The following SHANK1 variants were observed in gnomAD, a reference collection of about 807,000 sequenced individuals.
SHANK1 encodes the protein SH3 and multiple ankyrin repeat domains 1.
In SHANK1, 35 loss-of-function variants were observed where a neutral mutation model predicts 165.6. The observed-to-expected ratio is 0.21, with a 90% CI of 0.16 to 0.28. The LOEUF (loss-of-function observed/expected upper bound fraction) is 0.28, where lower values mean the gene tolerates loss of function less well. SHANK1 is among the 10% of genes least tolerant of loss of function. The probability of loss-of-function intolerance (pLI) is 1.00; values close to 1 mark genes in which losing one functional copy is unlikely to be tolerated. For synonymous variants in SHANK1, 1,428 were observed against 1,384.8 expected (o/e 1.03, Z -0.69); for missense variants, 2,681 against 3,036.4 (o/e 0.88, Z 2.75).
At position 50,668,354 on chromosome 19, in the gene SHANK1, C is replaced by T; in HGVS notation, c.3606G>A (p.Pro1202=). ...GGGACGGGGGCACGGGTGACATGGC[C>T]GGGGCGGGGCTGGGCGAGGAGCCGC... ...GGGGSSPSPA[P]AMSPVPPSPS... is the part of the protein sequence containing the mutation. Residue 1202 remains proline, a synonymous_variant, in exon 23 of 24, where the codon CCG becomes CCA. Coordinates refer to ENST00000293441, the MANE Select transcript of SHANK1 (RefSeq NM_016148.5). 8.1e-7 allele frequency: 1 copy of T among 1,238,044 alleles called. No homozygotes were observed. The highest frequency in any genetic ancestry group is 1.0e-6 in the Non-Finnish European group (1 of 988,030). 76.7% of individuals were successfully genotyped at this position (1,238,044 alleles called of 1,614,324 possible).
chr19:50,716,411 C>T lies in SHANK1; in HGVS notation c.323G>A (p.Ser108Asn), dbSNP rs779119326. Residue 108 changes from serine (S) to asparagine (N), a missense_variant, in exon 3 of 24, where the codon AGC becomes AAC. By Grantham distance (46) the Ser-to-Asn change is conservative (BLOSUM62 1). Around this residue, in one of 10 missense-constraint regions of SHANK1, gnomAD observed 189 missense variants for 440.9 expected, o/e 0.43. Coordinates refer to ENST00000293441, the MANE Select transcript of SHANK1 (RefSeq NM_016148.5). The surrounding 1 kb of genome is among the most constrained non-coding windows in gnomAD (Gnocchi z 8.4). ...TAKQQVLCAL[S>N]ESLQDVLNYG... ...GTTGAGCACATCCTGCAGGCTCTCGCTCAGGGCACAGAGCACCTGCTGCTT... is the reference window on the plus strand; with the variant it reads ...GTTGAGCACATCCTGCAGGCTCTCGTTCAGGGCACAGAGCACCTGCTGCTT... 1 of 1,614,202 alleles carries T rather than the reference C, an allele frequency of 6.2e-7. No individual in the cohort carries two copies. Among genetic ancestry groups the T allele is most frequent in the Non-Finnish European group, 8.5e-7 (1 of 1,180,028 alleles).
At chr19:50,682,539 A>G (rs183823757) in intron 21 of SHANK1, among the ~76,000 whole-genome samples, 2 of 152,274 alleles carry the variant, frequency 1.3e-5, no homozygotes, top group East Asian at 3.9e-4. Flanking sequence ...AAGTTAGAGG[A>G]AGTCAGGATT....
At chr19:50,687,397 AGTC>A (rs2123131560) in intron 19 of SHANK1, among the ~76,000 whole-genome samples, 182 bp downstream of exon 19, 1 of 152,180 alleles carries the variant, frequency 6.6e-6, no homozygotes, top group South Asian at 2.1e-4. Flanking sequence ...CACAGAGGAA[AGTC>A]GTCTCTCAGA....
In SHANK1 at chr19:50,707,248, G is replaced by C. The variant is rs116827662; in HGVS notation, c.1078-2734C>G. Among the ~76,000 whole-genome samples, 544 of 152,220 alleles carry C rather than the reference G, an allele frequency of 3.6e-3. 6 individuals carry two copies. The highest frequency in any genetic ancestry group is 0.011 in the African/African-American group (460 of 41,526). On this transcript the variant is annotated intron_variant, in intron 8 of 23. Transcript: ENST00000293441. Reference sequence around the variant, plus strand: ...GTTGTACAGGGGCATGATTTTGCCTGTGGCACCCACCACCTGGATTAATGC... The same window carrying C: ...GTTGTACAGGGGCATGATTTTGCCTCTGGCACCCACCACCTGGATTAATGC...
Position 50,668,302 on chromosome 19 carries a change from G to A in SHANK1, c.3658C>T (p.Pro1220Ser), listed in dbSNP as rs1985640385. The change falls in exon 23 of 24, where the codon CCC becomes TCC. Residue 1220 changes from proline to serine, a missense_variant. Transcript: ENST00000293441. Reference sequence around the variant, plus strand: ...AAGTCCAGCGTGGCCGGGCCGCTGGGCGAGGCGGGGGTGGGCACGGGCGAG... The same window carrying A: ...AAGTCCAGCGTGGCCGGGCCGCTGGACGAGGCGGGGGTGGGCACGGGCGAG... ...SPSPVPTPAS[P>S]SGPATLDFTS... The A allele has an allele frequency of 2.3e-6, 3 of 1,294,688 alleles. No individual in the cohort carries two copies. The highest frequency in any genetic ancestry group is 2.9e-6 in the Non-Finnish European group (3 of 1,026,072). The allele number at this position is 1,294,688 out of a possible 1,614,324, so 80.2% of individuals were successfully genotyped here.
chr19:50,686,323 G>T lies in SHANK1; in HGVS notation c.2491C>A (p.Gln831Lys), dbSNP rs763846074. The T allele has an allele frequency of 6.2e-7, 1 of 1,605,800 alleles. No homozygotes were observed. Among genetic ancestry groups the T allele is most frequent in the Middle Eastern group, 1.7e-4 (1 of 6,036 alleles). The stretch of plus-strand genomic sequence containing the variant: ...GGGCTTTCGCTTGCACTGATGGTCT[G>T]TTGAGCTGCGGCCAGGATTTCGTCC... ...KLDEILAAAQ[Q>K]TISASESPGP... The change falls in exon 21 of 24, where the codon CAG becomes AAG. Residue 831 changes from glutamine (Q) to lysine (K), a missense_variant. Gln to Lys is a moderately conservative substitution (Grantham distance 53). Coordinates refer to ENST00000293441, the MANE Select transcript of SHANK1 (RefSeq NM_016148.5). This position sits in a 1 kb window ranked among gnomAD's most constrained non-coding sequence, Gnocchi z 5.7.
In SHANK1 at chr19:50,718,791, G is replaced by A. The variant is rs1599877178; in HGVS notation, c.-44+615C>T. 2.8e-5 allele frequency among the ~76,000 whole-genome samples: 4 copies of A among 144,380 alleles called. No individual in the cohort carries two copies. The East Asian group carries it at 8.6e-4, about 31-fold the overall frequency. The allele number at this position is 144,380 out of a possible 152,430, so 94.7% of individuals were successfully genotyped here. On this transcript the variant is annotated intron_variant, in intron 1 of 23. Coordinates refer to ENST00000293441, the MANE Select transcript of SHANK1 (RefSeq NM_016148.5). The surrounding 1 kb of genome is among the most constrained non-coding windows in gnomAD (Gnocchi z 5.1). ...AGCCGAGGCTGGGAAACTGGTGGGG[G>A]AGAACCCGGCCGGGGAGAGGGGCGG...
At chr19:50,704,275 C>A (rs2088910504) in intron 9 of SHANK1, 89 bp from the exon 10 acceptor site, 6 of 1,422,654 alleles carry the variant, frequency 4.2e-6, no homozygotes, top group Non-Finnish European at 6.0e-6. Context: ...TGGCCCGACC[C>A]AAACCTTCCA....
chr19:50,719,017 T>C (rs1442442787), intron 1 of SHANK1, among the ~76,000 whole-genome samples: 1 of 99,372 alleles, frequency 1.0e-5, no homozygotes, highest in Non-Finnish European at 2.1e-5. Context: ...TGGAGGGGAG[T>C]GGGGACCAGG....
In SHANK1 at chr19:50,660,213, C is replaced by CGGAGAGA. The variant is rs1985145749; in HGVS notation, c.*1751_*1752insTCTCTCC. The stretch of plus-strand genomic sequence containing the variant: ...GGGGTGGCTTAACATTCCCAAGCCC[C>CGGAGAGA]GGGAATAAGCGGAGAGAGGAAGCGT... On this transcript the variant is annotated 3_prime_UTR_variant, in exon 24 of 24. Transcript: ENST00000293441. 4.0e-5 allele frequency among the ~76,000 whole-genome samples: 6 copies of CGGAGAGA among 151,022 alleles called. No homozygotes were observed. Among genetic ancestry groups the CGGAGAGA allele is most frequent in the Admixed American group, 2.0e-4 (3 of 15,136 alleles).
chr19:50,685,638 C>T (rs1198479125), intron 21 of SHANK1, among the ~76,000 whole-genome samples: 1 of 152,088 alleles, frequency 6.6e-6, no homozygotes, highest in Non-Finnish European at 1.5e-5. Context: ...GCAGGAGAAT[C>T]GCTTGAACCC....
At chr19:50,704,295 T>C (rs1341607803) in intron 9 of SHANK1, 109 bp from the exon 10 acceptor site, 2 of 1,323,470 alleles carry the variant, frequency 1.5e-6, no homozygotes, top group Non-Finnish European at 2.2e-6. Flanking sequence ...ACTCCGACAA[T>C]GCCGCCCTCT....
Position 50,716,635 on chromosome 19 carries a change from C to A in SHANK1, c.255+30G>T. ...ATGTCGGTTGGGGCACTGTCCCTCT[C>A]CTGCCGCTGGCCAGTGGGCAGGTAC... On this transcript the variant is annotated intron_variant, in intron 2 of 23. Coordinates refer to ENST00000293441, the MANE Select transcript of SHANK1 (RefSeq NM_016148.5). This position sits in a 1 kb window ranked among gnomAD's most constrained non-coding sequence, Gnocchi z 8.4. 6.4e-7 allele frequency: 1 copy of A among 1,551,512 alleles called. No individual in the cohort carries two copies. Among genetic ancestry groups the A allele is most frequent in the Non-Finnish European group, 8.7e-7 (1 of 1,146,360 alleles).
chr19:50,695,356 G>A (rs1183573713), intron 15 of SHANK1, among the ~76,000 whole-genome samples: 1 of 148,552 alleles, frequency 6.7e-6, no homozygotes, highest in East Asian at 2.0e-4. Flanking sequence ...CGGGCGGCGG[G>A]CGCGAGGCTT....
chr19:50,694,338 AG>A (rs554534873), intron 15 of SHANK1, among the ~76,000 whole-genome samples: 70 of 148,572 alleles, frequency 4.7e-4, no homozygotes, highest in African/African-American at 1.6e-3. Flanking sequence ...TGTGTGATGG[AG>A]GGGGGATGAC....
rs2089079791 is a variant in SHANK1, at chr19:50,717,093, C to T, written c.-43-131G>A. On this transcript the variant is annotated intron_variant, in intron 1 of 23. Coordinates refer to ENST00000293441, the MANE Select transcript of SHANK1 (RefSeq NM_016148.5). The surrounding 1 kb of genome is among the most constrained non-coding windows in gnomAD (Gnocchi z 5.5). ...CAAGATAGGCAGGAAGGAGGCTGGA[C>T]ACACCCTCGGCCTGCACGGCCTCCC... 7.0e-6 allele frequency: 5 copies of T among 718,578 alleles called. No homozygotes were observed. In the South Asian group the frequency reaches 2.0e-4, roughly 29 times the overall value. The allele number at this position is 718,578 out of a possible 1,614,324, so 44.5% of individuals were successfully genotyped here. A position where few individuals can be genotyped will look rare whatever the true frequency, so the allele number is the denominator to read the frequency against.
rs768791613 is a variant in SHANK1 at position 50,668,431 on chromosome 19, T to G, written c.3529A>C (p.Thr1177Pro). ...SSGRSSQGSS[T>P]EAEPPTQPEP... ...GGCTGGGTGGGGGGCTCCGCCTCGGTGCTGCTGCCCTGGCTGCTGCGGCCG... is the reference window on the plus strand; with the variant it reads ...GGCTGGGTGGGGGGCTCCGCCTCGGGGCTGCTGCCCTGGCTGCTGCGGCCG... The change falls in exon 23 of 24, where the codon ACC (threonine) becomes CCC (proline). Residue 1177 changes from threonine (T) to proline (P), a missense_variant. This residue lies in a region of SHANK1 where 1,713 missense variants were observed against 1,630.2 expected (regional missense o/e 1.05). Transcript: ENST00000293441. 7.5e-7 allele frequency: 1 copy of G among 1,331,092 alleles called. No homozygotes were observed. Among genetic ancestry groups the G allele is most frequent in the South Asian group, 2.7e-5 (1 of 36,630 alleles). The allele number at this position is 1,331,092 out of a possible 1,614,324, so 82.5% of individuals were successfully genotyped here.
Position 50,670,746 on chromosome 19 carries a change from A to T in SHANK1, c.2674+1272T>A, listed in dbSNP as rs1216838531. Among the ~76,000 whole-genome samples, 1 of 151,780 alleles carries T rather than the reference A, an allele frequency of 6.6e-6. No individual in the cohort carries two copies. The highest frequency in any genetic ancestry group is 2.4e-5 in the African/African-American group (1 of 41,300). ...TAGTTCGCTCTGCCTGGAATGCCTC[A>T]ACCCCAGGGAGCCTCACGATTCCCC... On this transcript the variant is annotated intron_variant, in intron 22 of 23. Coordinates refer to ENST00000293441, the MANE Select transcript of SHANK1 (RefSeq NM_016148.5). The surrounding 1 kb of genome is among the most constrained non-coding windows in gnomAD (Gnocchi z 4.1).
chr19:50,701,928 C>T (rs1273222584), intron 12 of SHANK1, among the ~76,000 whole-genome samples: 1 of 152,190 alleles, frequency 6.6e-6, no homozygotes, highest in Non-Finnish European at 1.5e-5. Context: ...TGGGAACCCT[C>T]GCCACGGCCA....
Sources: gnomAD v4.1 joint callset for allele counts (sites outside exome capture counted in the v4.1 genomes callset) on GRCh38, gnomAD v4.1.1 for gene constraint, gnomAD v4.1.1 regional missense constraint, Gnocchi (gnomAD v3.1) non-coding constraint, MANE v1.5 for transcripts, NCBI Gene and HGNC (gene_info 2026-07-23, HGNC 2026-07-21) for gene names.